Variants in INPP4A observed in about 807,000 individuals in gnomAD.
INPP4A encodes inositol polyphosphate-4-phosphatase, type I, 107kD.
A neutral mutation model predicts 119.8 loss-of-function variants in INPP4A; 33 were observed. That is an observed-to-expected ratio of 0.28 (90% CI 0.21 to 0.37). The LOEUF (loss-of-function observed/expected upper bound fraction) is 0.37. Ranked by LOEUF, INPP4A falls within the 10% of genes least tolerant of loss-of-function variation. The pLI, the probability that INPP4A is intolerant of heterozygous loss-of-function variation, is 1.00. For synonymous variants in INPP4A, 496 were observed against 500.7 expected (o/e 0.99, Z 0.12); for missense variants, 956 against 1,289.9 (o/e 0.74, Z 3.97).
At chr2:98,581,833 G>A in intron 24 of INPP4A, 1 of 1,508,052 alleles carries the variant, frequency 6.6e-7, no homozygotes, top group Non-Finnish European at 8.8e-7. Context: ...GTACCTAACT[G>A]GACAGAAGGA....
intron 1 of INPP4A, among the ~76,000 whole-genome samples, chr2:98,516,076 T>C (rs1574862279): frequency 6.6e-6 from 1 of 152,178 alleles, no homozygotes; most frequent in South Asian, 2.1e-4. Context: ...CTCTTCTGCT[T>C]AAGTGCAGTT....
rs1428172571 is a variant in INPP4A, at chr2:98,539,533, G to A, written c.676G>A (p.Gly226Ser). The A allele has an allele frequency of 1.2e-6, 2 of 1,607,240 alleles. No individual in the cohort carries two copies. The highest frequency in any genetic ancestry group is 1.1e-5 in the South Asian group (1 of 90,428). The change falls in exon 10 of 25, where the codon GGT becomes AGT. Residue 226 changes from glycine (G) to serine (S), a missense_variant. Coordinates refer to ENST00000409851, the MANE Select transcript of INPP4A (RefSeq NM_001134225.2). ...CCCTTGTCATCCCACCTCAGTGTTC[G>A]GTGGTGCCATCTGCCGCATGTACCG... Reference protein sequence around the residue: ...RKDTLLKSVFGGAICRMYRFP... With the variant: ...RKDTLLKSVFSGAICRMYRFP...
Position 98,533,459 on chromosome 2 carries a change from A to G in INPP4A, c.234A>G (p.Ala78=). The G allele has an allele frequency of 6.2e-7, 1 of 1,613,646 alleles. No homozygotes were observed. The highest frequency in any genetic ancestry group is 8.5e-7 in the Non-Finnish European group (1 of 1,179,684). The part of the protein sequence containing the change: ...VAVSVTTPPQ[A]FWTKHAQTEI... ...TGAGTGTCACCACCCCTCCTCAGGC[A>G]TTCTGGACGAAGCATGCACAGACGG... Residue 78 remains alanine, a synonymous_variant, in exon 5 of 25, where the codon GCA becomes GCG. Transcript: ENST00000409851.
intron 23 of INPP4A, 114 bp downstream of exon 23, chr2:98,573,041 G>A: frequency 1.3e-6 from 1 of 764,338 alleles, no homozygotes; most frequent in South Asian, 1.6e-5. Flanking sequence ...CATACTGGGA[G>A]AGGAGGGAGT....
intron 1 of INPP4A, among the ~76,000 whole-genome samples, chr2:98,513,241 C>T (rs1685472310): frequency 6.6e-6 from 1 of 152,198 alleles, no homozygotes; most frequent in Non-Finnish European, 1.5e-5. Context: ...ACAACCCCTT[C>T]CCACTTGACA....
chr2:98,534,345 A>G (rs1689814942), intron 5 of INPP4A, among the ~76,000 whole-genome samples: 1 of 152,218 alleles, frequency 6.6e-6, no homozygotes, highest in Non-Finnish European at 1.5e-5. Flanking sequence ...ACCCGTGTGC[A>G]CAGCAGAGTA....
intron 1 of INPP4A, among the ~76,000 whole-genome samples, chr2:98,452,096 C>T (rs914686937): frequency 6.6e-6 from 1 of 152,188 alleles, no homozygotes; most frequent in Non-Finnish European, 1.5e-5. Context: ...GGCAGTGGGA[C>T]TGCGTGCTTC....
In INPP4A at chr2:98,566,074, C is replaced by T. The variant is rs761277162; in HGVS notation, c.2325C>T (p.Asp775=). ...TCCCTCTGCCGGGCCCGCTGTTTGA[C>T]GCCTTGCCCCGGGAGATCCAGAGTG... The part of the protein sequence containing the change: ...VRVPLPGPLF[D]ALPREIQSGM... Residue 775 remains aspartate (D), a synonymous_variant, in exon 21 of 25, where the codon GAC becomes GAT. Coordinates refer to ENST00000409851, the MANE Select transcript of INPP4A (RefSeq NM_001134225.2). This position sits in a 1 kb window ranked among gnomAD's most constrained non-coding sequence, Gnocchi z 4.2. 17 of 1,602,342 alleles carry T rather than the reference C, an allele frequency of 1.1e-5. No individual in the cohort carries two copies. The East Asian group carries it at 1.6e-4, about 15-fold the overall frequency.
chr2:98,534,335 A>AC lies in INPP4A; in HGVS notation c.270+843dup, dbSNP rs998619264. On this transcript the variant is annotated intron_variant, in intron 5 of 24. Coordinates refer to ENST00000409851, the MANE Select transcript of INPP4A (RefSeq NM_001134225.2). Reference sequence around the variant, plus strand: ...TGGGGAGGCAGAAATGAATATGGCTACCCGTGTGCACAGCAGAGTATGGGA... The same window carrying AC: ...TGGGGAGGCAGAAATGAATATGGCTACCCCGTGTGCACAGCAGAGTATGGGA... Among the ~76,000 whole-genome samples, 16 of 152,296 alleles carry AC rather than the reference A, an allele frequency of 1.1e-4. 1 individual carries two copies. The highest frequency in any genetic ancestry group is 3.9e-4 in the Admixed American group (6 of 15,296).
intron 1 of INPP4A, among the ~76,000 whole-genome samples, chr2:98,484,736 G>A (rs1027067827): frequency 2.6e-5 from 4 of 152,226 alleles, no homozygotes; most frequent in South Asian, 2.1e-4. Flanking sequence ...CCCACTCCGC[G>A]TGAGTGCTTC....
intron 1 of INPP4A, among the ~76,000 whole-genome samples, chr2:98,457,421 A>G (rs1696311328): frequency 1.3e-5 from 2 of 152,182 alleles, no homozygotes; most frequent in South Asian, 2.1e-4. Context: ...ACAGGATTAC[A>G]TGAGCTATGA....
chr2:98,465,156 C>T (rs2104720505), intron 1 of INPP4A, among the ~76,000 whole-genome samples: 1 of 152,370 alleles, frequency 6.6e-6, no homozygotes, highest in East Asian at 1.9e-4. Flanking sequence ...AACTTATTCT[C>T]TCACTGTTCT....
At chr2:98,468,307 C>T (rs1289679358) in intron 1 of INPP4A, among the ~76,000 whole-genome samples, 1 of 152,200 alleles carries the variant, frequency 6.6e-6, no homozygotes, top group East Asian at 1.9e-4. Flanking sequence ...GTAATCATAG[C>T]TCATTGCAGC....
intron 1 of INPP4A, among the ~76,000 whole-genome samples, chr2:98,511,498 G>A (rs1478778196): frequency 2.0e-5 from 3 of 152,208 alleles, no homozygotes; most frequent in Non-Finnish European, 2.9e-5. Context: ...AGAGAGCTGG[G>A]AGGTGGGAGG....
At chr2:98,462,678 A>G (rs1673832385) in intron 1 of INPP4A, among the ~76,000 whole-genome samples, 1 of 151,212 alleles carries the variant, frequency 6.6e-6, no homozygotes, top group African/African-American at 2.4e-5. Context: ...GGTGTATGCC[A>G]CCATGCCTGG....
At chr2:98,535,621 G>T in intron 5 of INPP4A, 108 bp from the exon 6 acceptor site, 1 of 641,776 alleles carries the variant, frequency 1.6e-6, no homozygotes, top group Non-Finnish European at 2.8e-6. Context: ...GTTGATTCAA[G>T]GCAGTGAGAA....
In INPP4A at chr2:98,494,028, T is replaced by C. The variant is rs544905915; in HGVS notation, c.-165-24936T>C. ...ATGAAGAAACATTTATTCAAGAAAA[T>C]CTGCTAGATCTCAGTAAGAATAGCA... On this transcript the variant is annotated intron_variant, in intron 1 of 24. Coordinates refer to ENST00000409851, the MANE Select transcript of INPP4A (RefSeq NM_001134225.2). 2.0e-5 allele frequency among the ~76,000 whole-genome samples: 3 copies of C among 152,284 alleles called. No homozygotes were observed. In the South Asian group the frequency reaches 6.2e-4, roughly 32 times the overall value.
Position 98,566,084 on chromosome 2 carries a change from C to T in INPP4A, c.2335C>T (p.Arg779Trp), listed in dbSNP as rs201375507. The T allele has an allele frequency of 3.2e-4, 513 of 1,601,758 alleles. No homozygotes were observed. Among genetic ancestry groups the T allele is most frequent in the Admixed American group, 1.0e-3 (59 of 58,846 alleles). The part of the protein sequence containing the change: ...LPGPLFDALP[R>W]EIQSGMLLRV... ...GGGCCCGCTGTTTGACGCCTTGCCCCGGGAGATCCAGAGTGGCATGCTGCT... is the reference window on the plus strand; with the variant it reads ...GGGCCCGCTGTTTGACGCCTTGCCCTGGGAGATCCAGAGTGGCATGCTGCT... Residue 779 changes from arginine to tryptophan, a missense_variant, in exon 21 of 25, where the codon CGG becomes TGG. Physicochemically the swap from Arg to Trp is moderately radical, Grantham distance 101 (BLOSUM62 -3). Transcript: ENST00000409851. The surrounding 1 kb of genome is among the most constrained non-coding windows in gnomAD (Gnocchi z 4.2).
rs949850778 is a variant in INPP4A at position 98,477,537 on chromosome 2, C to T, written c.-166+32452C>T. 2.8e-4 allele frequency among the ~76,000 whole-genome samples: 43 copies of T among 152,208 alleles called. 2 individuals carry two copies. Among genetic ancestry groups the T allele is most frequent in the Non-Finnish European group, 5.9e-5 (4 of 68,036 alleles). On this transcript the variant is annotated intron_variant, in intron 1 of 24. Coordinates refer to ENST00000409851, the MANE Select transcript of INPP4A (RefSeq NM_001134225.2). ...AGAGGATGAACCAGAGCCTCAATGTCGGCGAGTCTTGGGCCATTTTGGCTG... is the reference window on the plus strand; with the variant it reads ...AGAGGATGAACCAGAGCCTCAATGTTGGCGAGTCTTGGGCCATTTTGGCTG...
Sources: allele counts gnomAD v4.1 joint callset (sites outside exome capture counted in the v4.1 genomes callset), GRCh38; gene constraint gnomAD v4.1.1; non-coding constraint Gnocchi (gnomAD v3.1); transcripts MANE v1.5; gene names NCBI Gene and HGNC (gene_info 2026-07-23, HGNC 2026-07-21).